The following NKTR variants were observed in gnomAD, a reference collection of about 807,000 sequenced individuals.
The protein encoded by NKTR is NK-tumor recognition protein.
In NKTR, 67 loss-of-function variants were observed where a neutral mutation model predicts 156.3. That is an observed-to-expected ratio of 0.43 (90% CI 0.35 to 0.53). The LOEUF (loss-of-function observed/expected upper bound fraction) is 0.53, where lower values mean the gene tolerates loss of function less well. Ranked by LOEUF, NKTR falls within the 20% of genes least tolerant of loss-of-function variation. The pLI is 0.01. For synonymous variants in NKTR, 640 were observed against 596.6 expected (o/e 1.07, Z -1.06); for missense variants, 1,604 against 1,730.9 (o/e 0.93, Z 1.30).
chr3:42,644,290 C>T (rs1450322589), intron 16 of NKTR, among the ~76,000 whole-genome samples: 1 of 152,056 alleles, frequency 6.6e-6, no homozygotes, highest in Non-Finnish European at 1.5e-5. Context: ...GAAAGAAGGC[C>T]ACCCAAACCA....
chr3:42,618,587 G>A (rs942935653), intron 3 of NKTR, among the ~76,000 whole-genome samples: 17 of 151,898 alleles, frequency 1.1e-4, no homozygotes, highest in Non-Finnish European at 1.9e-4. Flanking sequence ...TGGGACTACA[G>A]GCCTGTGCCA....
At chr3:42,640,041 GCTT>G (rs1286044802) in intron 13 of NKTR, among the ~76,000 whole-genome samples, 3 of 152,172 alleles carry the variant, frequency 2.0e-5, no homozygotes, top group Admixed American at 2.0e-4. Context: ...GTGTGAGGCT[GCTT>G]CTTGCCAGTC....
At chr3:42,622,031 G>A (rs919678034) in intron 6 of NKTR, among the ~76,000 whole-genome samples, 21 of 151,888 alleles carry the variant, frequency 1.4e-4, no homozygotes, top group African/African-American at 5.1e-4. Flanking sequence ...GCTGTTGAGC[G>A]AGCATTTTAA....
chr3:42,608,750 A>G (rs759886046), intron 2 of NKTR, among the ~76,000 whole-genome samples: 5 of 152,184 alleles, frequency 3.3e-5, no homozygotes, highest in East Asian at 1.9e-4. Context: ...TCCTGAAGCT[A>G]TCTGGGGGTC....
chr3:42,610,942 G>C (rs1325019812), intron 2 of NKTR, among the ~76,000 whole-genome samples: 1 of 151,934 alleles, frequency 6.6e-6, no homozygotes, highest in Non-Finnish European at 1.5e-5. Flanking sequence ...TTTTTTATCT[G>C]TATACTATCT....
chr3:42,627,164 A>C, intron 6 of NKTR: 1 of 930,322 alleles, frequency 1.1e-6, no homozygotes, highest in Non-Finnish European at 1.3e-6. Flanking sequence ...AGTGTATTAC[A>C]ATTTATTTCT....
intron 2 of NKTR, among the ~76,000 whole-genome samples, chr3:42,614,745 A>G (rs1707179851): frequency 6.6e-6 from 1 of 152,148 alleles, no homozygotes; most frequent in South Asian, 2.1e-4. Flanking sequence ...CAAATTGCAT[A>G]TATACTAGCA....
rs536321465 is a variant in NKTR at position 42,639,493 on chromosome 3, A to T, written c.3789A>T (p.Arg1263Ser). Residue 1263 changes from arginine (R) to serine (S), a missense_variant, in exon 13 of 17, where the codon AGA becomes AGT. Coordinates refer to ENST00000232978, the MANE Select transcript of NKTR (RefSeq NM_005385.4). ...CTGAAATGAAACCACAAGGCTTGAG[A>T]ATAGAAATTAAAAGCAAAAATAAAG... ...TVPEMKPQGL[R>S]IEIKSKNKVR... 1.2e-6 allele frequency: 2 copies of T among 1,614,222 alleles called. No homozygotes were observed. The highest frequency in any genetic ancestry group is 3.3e-5 in the Admixed American group (2 of 60,026).
chr3:42,620,309 T>G (rs1707796277), intron 5 of NKTR: 1 of 1,196,172 alleles, frequency 8.4e-7, no homozygotes, highest in Non-Finnish European at 1.0e-6. Context: ...AGTTGAAATT[T>G]CGTTTTTCAA....
intron 2 of NKTR, among the ~76,000 whole-genome samples, chr3:42,615,788 G>A (rs1479244356): frequency 6.6e-6 from 1 of 152,088 alleles, no homozygotes; most frequent in Non-Finnish European, 1.5e-5. Context: ...TATGAGGACT[G>A]ATCAAAATAC....
intron 13 of NKTR, 28 bp downstream of exon 13, chr3:42,639,778 T>A: frequency 6.9e-7 from 1 of 1,452,988 alleles, no homozygotes; most frequent in South Asian, 1.3e-5. Flanking sequence ...TCCTTTCTTC[T>A]CCCAAGGAGA....
At chr3:42,643,294 T>C in intron 14 of NKTR, 45 bp from the exon 15 acceptor site, 4 of 1,543,850 alleles carry the variant, frequency 2.6e-6, no homozygotes, top group Non-Finnish European at 3.6e-6. Context: ...TAGCCTGTCC[T>C]GCCCTGATCT....
rs373071639 is a variant in NKTR, at chr3:42,637,143, A to G, written c.1439A>G (p.Asp480Gly). The G allele has an allele frequency of 6.7e-5, 108 of 1,611,562 alleles. No homozygotes were observed. The highest frequency in any genetic ancestry group is 2.0e-4 in the Admixed American group (12 of 59,368). Residue 480 changes from aspartate (D) to glycine (G), a missense_variant, in exon 13 of 17, where the codon GAT becomes GGT. Around this residue, in one of 6 missense-constraint regions of NKTR, gnomAD observed 1,255 missense variants for 1,243.7 expected, o/e 1.01. Coordinates refer to ENST00000232978, the MANE Select transcript of NKTR (RefSeq NM_005385.4). The part of the protein sequence containing the change: ...SSTRRMKSSC[D>G]RERSSRSSSL... ...ACTCGAAGAATGAAATCCTCTTGTGATAGAGAAAGGAGTTCTCGTTCTTCC... is the reference window on the plus strand; with the variant it reads ...ACTCGAAGAATGAAATCCTCTTGTGGTAGAGAAAGGAGTTCTCGTTCTTCC...
At position 42,645,935 on chromosome 3, in the gene NKTR, C is replaced by T; in HGVS notation, c.4349C>T (p.Ser1450Phe). The T allele has an allele frequency of 6.2e-7, 1 of 1,613,692 alleles. No homozygotes were observed. The change falls in exon 17 of 17, where the codon TCT (serine) becomes TTT (phenylalanine). Residue 1450 changes from serine (S) to phenylalanine (F), a missense_variant. Around this residue, in one of 6 missense-constraint regions of NKTR, gnomAD observed 193 missense variants for 220.2 expected, o/e 0.88. Transcript: ENST00000232978. ...GACAGTGAAAGTGACCGAAGTTACT[C>T]TCATCACCGGAGCCCCAGTGAGAGC... ...GSDSESDRSYSHHRSPSESSR... is the reference protein window; with the variant it reads ...GSDSESDRSYFHHRSPSESSR...
intron 13 of NKTR, among the ~76,000 whole-genome samples, chr3:42,641,168 C>T (rs898258175): frequency 6.6e-6 from 1 of 152,138 alleles, no homozygotes; most frequent in Non-Finnish European, 1.5e-5. Context: ...GGCCTGACAC[C>T]CCCATTAGGC....
At chr3:42,625,490 C>A (rs1708292080) in intron 6 of NKTR, among the ~76,000 whole-genome samples, 1 of 151,994 alleles carries the variant, frequency 6.6e-6, no homozygotes, top group Non-Finnish European at 1.5e-5. Flanking sequence ...CTTGCAAGTA[C>A]CTGAATGGGA....
At chr3:42,627,146 G>C in intron 6 of NKTR, 1 of 878,994 alleles carries the variant, frequency 1.1e-6, no homozygotes, top group Non-Finnish European at 1.4e-6. Context: ...ATTCAGTCTT[G>C]TCTTAAAAGT....
intron 4 of NKTR, chr3:42,619,362 G>A: frequency 8.4e-7 from 1 of 1,195,336 alleles, no homozygotes; most frequent in African/African-American, 1.6e-5. Context: ...TAGTTACTTA[G>A]TGAATTCCTT....
intron 6 of NKTR, chr3:42,629,312 T>C: frequency 1.0e-6 from 1 of 961,158 alleles, no homozygotes; most frequent in Non-Finnish European, 1.2e-6. Flanking sequence ...AGATTTTTGC[T>C]TTTAAAACTT....
Sources: gnomAD v4.1 joint callset for allele counts (sites outside exome capture counted in the v4.1 genomes callset) on GRCh38, gnomAD v4.1.1 for gene constraint, gnomAD v4.1.1 regional missense constraint, MANE v1.5 for transcripts, NCBI Gene and HGNC (gene_info 2026-07-23, HGNC 2026-07-21) for gene names.